The following VOPP1 variants were observed in gnomAD, a reference collection of about 807,000 sequenced individuals.
The protein encoded by VOPP1 is WW domain binding protein VOPP1.
Under a neutral mutation model 23.5 loss-of-function variants are expected in VOPP1, and 8 were observed. That is an observed-to-expected ratio of 0.34 (90% CI 0.20 to 0.61). VOPP1 has a LOEUF of 0.61. Ranked by LOEUF, VOPP1 falls within the 20% of genes least tolerant of loss-of-function variation. VOPP1 has a pLI of 0.78. For synonymous variants in VOPP1, 83 were observed against 97.3 expected (o/e 0.85, Z 0.86); for missense variants, 174 against 238.1 (o/e 0.73, Z 1.77).
chr7:55,549,931 TGGTCACTGCAGAGACTGCCTA>T (rs774692685), intron 1 of VOPP1, among the ~76,000 whole-genome samples: 14 of 152,304 alleles, frequency 9.2e-5, no homozygotes, highest in Non-Finnish European at 2.1e-4. Flanking sequence ...ATCCCCATCA[TGGTCACTGCAGAGACTGCCTA>T]CCCGGACCAG....
At chr7:55,493,022 AATCT>A (rs1793693134) in intron 3 of VOPP1, 1 of 152,230 alleles carries the variant, frequency 6.6e-6, no homozygotes, top group African/African-American at 2.4e-5. Flanking sequence ...AGAGAAATAC[AATCT>A]ATCAATAGAA....
At chr7:55,565,267 G>C (rs552018242) in intron 1 of VOPP1, among the ~76,000 whole-genome samples, 6 of 152,020 alleles carry the variant, frequency 3.9e-5, no homozygotes, top group African/African-American at 1.5e-4. Context: ...CCCTCCTCCC[G>C]CATTCTAGAC....
At chr7:55,541,024 G>A (rs544839722) in intron 1 of VOPP1, among the ~76,000 whole-genome samples, 1 of 152,216 alleles carries the variant, frequency 6.6e-6, no homozygotes, top group Non-Finnish European at 1.5e-5. Context: ...CCGCAGAAAC[G>A]GGAAAAAAAT....
intron 4 of VOPP1, among the ~76,000 whole-genome samples, chr7:55,485,215 G>C (rs996143914): frequency 6.6e-6 from 1 of 152,114 alleles, no homozygotes. Context: ...CATCACGTGC[G>C]CAGGTCTCAC....
Position 55,487,037 on chromosome 7 carries a change from G to A in VOPP1, c.328+5245C>T, listed in dbSNP as rs553935917. Among the ~76,000 whole-genome samples the A allele has an allele frequency of 1.2e-4, 19 of 152,320 alleles. No homozygotes were observed. In the South Asian group the frequency reaches 3.1e-3, roughly 25 times the overall value. ...ACCATCCCCGCACGTCAGAAGCACC[G>A]TCACGTTGGAAAAGAATGACGCTTA... On this transcript the variant is annotated intron_variant, in intron 4 of 4. Transcript: ENST00000285279.
chr7:55,560,923 A>T (rs1354512416), intron 1 of VOPP1, among the ~76,000 whole-genome samples: 1 of 152,026 alleles, frequency 6.6e-6, no homozygotes, highest in African/African-American at 2.4e-5. Flanking sequence ...ATTCCCCAAA[A>T]TCCTCTCACT....
Position 55,472,956 on chromosome 7 carries a change from C to A in VOPP1, c.418G>T (p.Val140Phe). ...VGNSMAMAFQ[V>F]PPNSPQGSVA... ...CTCCCCTGGGGTGAGTTGGGTGGGA[C>A]CTGGAAAGCCATTGCCATGGAATTC... is the stretch of plus-strand genomic sequence containing the variant. The change falls in exon 5 of 5, where the codon GTC (valine) becomes TTC (phenylalanine). Residue 140 changes from valine to phenylalanine, a missense_variant. Coordinates refer to ENST00000285279, the MANE Select transcript of VOPP1 (RefSeq NM_030796.5). 6.3e-7 allele frequency: 1 copy of A among 1,588,386 alleles called. No individual in the cohort carries two copies. Among genetic ancestry groups the A allele is most frequent in the Non-Finnish European group, 8.5e-7 (1 of 1,170,528 alleles).
chr7:55,552,613 G>A, intron 1 of VOPP1: 1 of 1,535,882 alleles, frequency 6.5e-7, no homozygotes, highest in Non-Finnish European at 8.7e-7. Context: ...GAAAGTGCTG[G>A]AACCAGGTCT....
At chr7:55,537,555 G>GC in intron 1 of VOPP1, 2 of 1,535,934 alleles carry the variant, frequency 1.3e-6, no homozygotes, top group East Asian at 4.9e-5. Flanking sequence ...TGCAGGCAGC[G>GC]CACCTCCTCG....
At chr7:55,486,646 C>T (rs1049365579) in intron 4 of VOPP1, among the ~76,000 whole-genome samples, 57 of 152,248 alleles carry the variant, frequency 3.7e-4, no homozygotes, top group African/African-American at 1.4e-3. Flanking sequence ...CCCCCTCACC[C>T]TGACCCTGAT....
At position 55,550,444 on chromosome 7, in the gene VOPP1, G is replaced by A. The variant is rs148173287; in HGVS notation, c.54+21827C>T. 3.3e-5 allele frequency among the ~76,000 whole-genome samples: 5 copies of A among 152,242 alleles called. No individual in the cohort carries two copies. The East Asian group carries it at 9.6e-4, about 29-fold the overall frequency. On this transcript the variant is annotated intron_variant, in intron 1 of 4. Coordinates refer to ENST00000285279, the MANE Select transcript of VOPP1 (RefSeq NM_030796.5). Reference sequence around the variant, plus strand: ...CACTGCTGGAGGGAATATAAATTTGGTTTGAAAAAAGCTTTCTGAAAGTTT... The same window carrying A: ...CACTGCTGGAGGGAATATAAATTTGATTTGAAAAAAGCTTTCTGAAAGTTT...
At chr7:55,481,184 G>A (rs1792679946) in intron 4 of VOPP1, among the ~76,000 whole-genome samples, 1 of 152,262 alleles carries the variant, frequency 6.6e-6, no homozygotes. Flanking sequence ...GCTGTCTGGA[G>A]GGTCTCAGGA....
In VOPP1 at chr7:55,492,431, C is replaced by T. The variant is rs200603232; in HGVS notation, c.192-13G>A. ...CATCAGAAGGAACCTGAGGAGAGTACAGACGTGAGGGTGGTGCTCCCAGGT... is the reference window on the plus strand; with the variant it reads ...CATCAGAAGGAACCTGAGGAGAGTATAGACGTGAGGGTGGTGCTCCCAGGT... On this transcript the variant is annotated splice_polypyrimidine_tract_variant and intron_variant, in intron 3 of 4. Transcript: ENST00000285279. The T allele has an allele frequency of 2.7e-4, 430 of 1,604,130 alleles. 1 individual carries two copies. In the African/African-American group the frequency reaches 5.2e-3, roughly 19 times the overall value.
chr7:55,536,271 G>A (rs1796782737), intron 1 of VOPP1, among the ~76,000 whole-genome samples: 1 of 152,248 alleles, frequency 6.6e-6, no homozygotes, highest in Non-Finnish European at 1.5e-5. Context: ...GCTCACGCCT[G>A]TAATCCCAGC....
intron 1 of VOPP1, among the ~76,000 whole-genome samples, chr7:55,531,281 G>C (rs1030652383): frequency 2.6e-5 from 4 of 151,876 alleles, no homozygotes; most frequent in African/African-American, 9.7e-5. Flanking sequence ...TTTGTTATCA[G>C]CTCAGTTCCA....
At chr7:55,500,063 C>CG (rs1361816219) in intron 2 of VOPP1, among the ~76,000 whole-genome samples, 2 of 152,092 alleles carry the variant, frequency 1.3e-5, no homozygotes, top group Non-Finnish European at 2.9e-5. Flanking sequence ...TTTCCTCTCA[C>CG]GAATGTGCAA....
chr7:55,468,245 T>A (rs921258684), downstream of VOPP1, among the ~76,000 whole-genome samples: 1 of 135,394 alleles, frequency 7.4e-6, no homozygotes, highest in African/African-American at 2.8e-5. Flanking sequence ...CACTCCAGCC[T>A]GGCGACAGAG....
At chr7:55,567,489 G>C (rs1367386499) in intron 1 of VOPP1, among the ~76,000 whole-genome samples, 1 of 152,214 alleles carries the variant, frequency 6.6e-6, no homozygotes, top group African/African-American at 2.4e-5. Context: ...AAATGTCCTT[G>C]CCCTGCAGAG....
At chr7:55,525,622 T>C (rs535222448) in intron 1 of VOPP1, among the ~76,000 whole-genome samples, 1 of 152,192 alleles carries the variant, frequency 6.6e-6, no homozygotes, top group South Asian at 2.1e-4. Flanking sequence ...CCTAATTGTG[T>C]CTTCTCTGGA....
Sources: gnomAD v4.1 joint callset for allele counts (sites outside exome capture counted in the v4.1 genomes callset) on GRCh38, gnomAD v4.1.1 for gene constraint, MANE v1.5 for transcripts, NCBI Gene and HGNC (gene_info 2026-07-23, HGNC 2026-07-21) for gene names.